Variants in SIL1 observed in about 807,000 individuals in gnomAD.
SIL1 encodes the protein SIL1 nucleotide exchange factor, also known as nucleotide exchange factor SIL1.
A neutral mutation model predicts 49.1 loss-of-function variants in SIL1; 40 were observed. The ratio of observed to expected loss-of-function variants is 0.81; its 90% CI spans 0.63 to 1.06. The LOEUF is 1.06. Among genes scored for constraint, SIL1 ranks in the 50% least tolerant of loss-of-function variants. The pLI, the probability that SIL1 is intolerant of heterozygous loss-of-function variation, is 0.00. For synonymous variants in SIL1, 253 were observed against 250.8 expected (o/e 1.01, Z -0.08); for missense variants, 500 against 572.6 (o/e 0.87, Z 1.29).
At chr5:139,173,970 G>GAA (rs796255530) in intron 1 of SIL1, among the ~76,000 whole-genome samples, 281 of 74,946 alleles carry the variant, frequency 3.7e-3, no homozygotes, top group Middle Eastern at 0.015. Context: ...AAAAATAAAA[G>GAA]AAAAAAAAAA....
rs1581140045 is a variant in SIL1 at position 139,158,301 on chromosome 5, A to C, written c.-10-30448T>G. Among the ~76,000 whole-genome samples, 3 of 152,246 alleles carry C rather than the reference A, an allele frequency of 2.0e-5. No individual in the cohort carries two copies. In the South Asian group the frequency reaches 6.2e-4, roughly 31 times the overall value. On this transcript the variant is annotated intron_variant, in intron 1 of 9. Coordinates refer to ENST00000394817, the MANE Select transcript of SIL1 (RefSeq NM_022464.5). ...GTGTAAGCTAGAGAAGAACTAAAAGAGACAAATTACACATCTTTGGGTGAG... is the reference window on the plus strand; with the variant it reads ...GTGTAAGCTAGAGAAGAACTAAAAGCGACAAATTACACATCTTTGGGTGAG...
chr5:139,166,441 C>A (rs920051254), intron 1 of SIL1, among the ~76,000 whole-genome samples: 1 of 152,160 alleles, frequency 6.6e-6, no homozygotes, highest in Admixed American at 6.5e-5. Context: ...ACAGGAGGAT[C>A]CCTTGAGGCC....
intron 1 of SIL1, among the ~76,000 whole-genome samples, chr5:139,191,071 C>T (rs1220890870): frequency 6.6e-6 from 1 of 151,614 alleles, no homozygotes; most frequent in Admixed American, 6.6e-5. Flanking sequence ...ATCTCTACTG[C>T]AAATACAAAA....
chr5:139,014,965 C>T (rs1183733058), intron 7 of SIL1, among the ~76,000 whole-genome samples: 1 of 152,148 alleles, frequency 6.6e-6, no homozygotes, highest in African/African-American at 2.4e-5. Context: ...GGCCTTCAGC[C>T]AGTGGGGCTA....
chr5:138,961,693 C>T (rs976524124), intron 7 of SIL1, among the ~76,000 whole-genome samples: 3 of 152,074 alleles, frequency 2.0e-5, no homozygotes, highest in Non-Finnish European at 2.9e-5. Flanking sequence ...AATCTCAGCT[C>T]GAACTGTGCC....
chr5:139,081,497 A>G (rs1770078378), intron 3 of SIL1, among the ~76,000 whole-genome samples: 2 of 152,200 alleles, frequency 1.3e-5, no homozygotes, highest in African/African-American at 4.8e-5. Context: ...AACCCTCCCT[A>G]GTTCTTGGCC....
chr5:139,176,399 C>T (rs1380350464), intron 1 of SIL1, among the ~76,000 whole-genome samples: 1 of 152,192 alleles, frequency 6.6e-6, no homozygotes, highest in East Asian at 1.9e-4. Context: ...ACTCCTCTAG[C>T]CTTCTACCCA....
intron 1 of SIL1, among the ~76,000 whole-genome samples, chr5:139,186,424 A>C (rs1168440602): frequency 6.6e-6 from 1 of 152,160 alleles, no homozygotes; most frequent in African/African-American, 2.4e-5. Flanking sequence ...GCCTCTACCT[A>C]AAGGATACAG....
At chr5:139,009,148 G>C (rs1418583200) in intron 7 of SIL1, among the ~76,000 whole-genome samples, 1 of 151,124 alleles carries the variant, frequency 6.6e-6, no homozygotes, top group Non-Finnish European at 1.5e-5. Flanking sequence ...GGGTGCTCCT[G>C]TATTGGGTGC....
chr5:139,043,732 G>A (rs1217633831), intron 4 of SIL1, among the ~76,000 whole-genome samples: 2 of 152,238 alleles, frequency 1.3e-5, no homozygotes, highest in Non-Finnish European at 2.9e-5. Context: ...ATCTTGACCA[G>A]AGAGAGGACA....
At chr5:139,000,560 C>T (rs542282518) in intron 7 of SIL1, among the ~76,000 whole-genome samples, 9 of 152,026 alleles carry the variant, frequency 5.9e-5, no homozygotes, top group Non-Finnish European at 1.3e-4. Flanking sequence ...ATGATAAAAA[C>T]TAAAATTAAA....
At position 139,151,317 on chromosome 5, in the gene SIL1, C is replaced by G. The variant is rs78346725; in HGVS notation, c.-10-23464G>C. 1.5e-3 allele frequency among the ~76,000 whole-genome samples: 233 copies of G among 152,286 alleles called. 1 individual carries two copies. Among genetic ancestry groups the G allele is most frequent in the African/African-American group, 5.0e-3 (206 of 41,548 alleles). ...TCATTCATTCAGATATCTCCAAGCA[C>G]CTACCGTGTACTAGTGCAAGGTGCT... is the stretch of plus-strand genomic sequence containing the variant. On this transcript the variant is annotated intron_variant, in intron 1 of 9. Transcript: ENST00000394817.
At chr5:139,030,868 T>C (rs1292858788) in intron 5 of SIL1, among the ~76,000 whole-genome samples, 4 of 152,194 alleles carry the variant, frequency 2.6e-5, no homozygotes, top group Admixed American at 6.5e-5. Context: ...TTTTCATTTC[T>C]ATATATACTT....
intron 7 of SIL1, among the ~76,000 whole-genome samples, chr5:138,971,002 A>C (rs1483742203): frequency 2.0e-5 from 3 of 152,144 alleles, no homozygotes; most frequent in African/African-American, 7.2e-5. Context: ...GTCCAGATGG[A>C]AGTGATACTG....
intron 2 of SIL1, among the ~76,000 whole-genome samples, chr5:139,123,649 G>A (rs1276224942): frequency 1.3e-5 from 2 of 152,212 alleles, no homozygotes; most frequent in African/African-American, 2.4e-5. Context: ...CCTTGGAGGT[G>A]TGTCAATGAA....
chr5:139,011,011 G>A (rs1561827440), intron 7 of SIL1, among the ~76,000 whole-genome samples: 1 of 149,372 alleles, frequency 6.7e-6, no homozygotes, highest in East Asian at 2.0e-4. Flanking sequence ...CTTCCCGGCT[G>A]CTTTGTTTAC....
chr5:138,950,345 A>C (rs1290624892), intron 9 of SIL1, among the ~76,000 whole-genome samples: 1 of 152,216 alleles, frequency 6.6e-6, no homozygotes, highest in Non-Finnish European at 1.5e-5. Context: ...AAGAGAGAGA[A>C]ACAGGCAAAG....
intron 1 of SIL1, among the ~76,000 whole-genome samples, chr5:139,193,368 A>G (rs1581163354): frequency 6.6e-6 from 1 of 152,344 alleles, no homozygotes; most frequent in South Asian, 2.1e-4. Context: ...GTTCAAGACC[A>G]GCCTGGCCAA....
At chr5:139,072,635 C>T (rs547818304) in intron 3 of SIL1, among the ~76,000 whole-genome samples, 1 of 152,258 alleles carries the variant, frequency 6.6e-6, no homozygotes, top group Non-Finnish European at 1.5e-5. Flanking sequence ...GGGAAAGCTC[C>T]ATGACATTAG....
Sources: gnomAD v4.1 joint callset for allele counts (sites outside exome capture counted in the v4.1 genomes callset) on GRCh38, gnomAD v4.1.1 for gene constraint, MANE v1.5 for transcripts, NCBI Gene and HGNC (gene_info 2026-07-23, HGNC 2026-07-21) for gene names.